ANGPT2: variants seen among roughly 807,000 people sequenced by gnomAD.
ANGPT2 encodes angiopoietin 2, also known as angiopoietin-2.
ANGPT2 carries 28 observed loss-of-function variants against 62.9 expected under a neutral mutation model. That is an observed-to-expected ratio of 0.44 (90% CI 0.33 to 0.61). ANGPT2 has a LOEUF of 0.61. ANGPT2 is among the 20% of genes least tolerant of loss of function. ANGPT2 has a pLI of 0.03. For missense variants in ANGPT2, 727 were observed against 594.9 expected (o/e 1.22, Z -2.31); for synonymous variants, 284 against 207.8 (o/e 1.37, Z -3.15).
rs1812046922 is a variant in ANGPT2, at chr8:6,500,896, T to C, written c.*2205A>G. ...ATCACCTGCCTACAAAGAGAATTGA[T>C]ATAAATTGTGTTGTTGCCAGTTTTT... On this transcript the variant is annotated 3_prime_UTR_variant, in exon 9 of 9. Transcript: ENST00000629816. The C allele has an allele frequency of 6.6e-6, 1 of 152,240 alleles. No individual in the cohort carries two copies. The highest frequency in any genetic ancestry group is 2.4e-5 in the African/African-American group (1 of 41,468). 9.4% of individuals were successfully genotyped at this position (152,240 alleles called of 1,614,324 possible). A position where few individuals can be genotyped will look rare whatever the true frequency, so the allele number is the denominator to read the frequency against.
At chr8:6,552,569 C>G (rs1313267777) in intron 1 of ANGPT2, among the ~76,000 whole-genome samples, 3 of 152,180 alleles carry the variant, frequency 2.0e-5, no homozygotes, top group Admixed American at 1.3e-4. Context: ...TAGTATAGAT[C>G]TTGATAAGTG....
intron 1 of ANGPT2, among the ~76,000 whole-genome samples, chr8:6,538,830 A>G (rs1240762298): frequency 6.6e-6 from 1 of 152,208 alleles, no homozygotes; most frequent in African/African-American, 2.4e-5. Context: ...CCTAGTAACA[A>G]CAAGCAAAAC....
chr8:6,552,780 G>C (rs755857792), intron 1 of ANGPT2, among the ~76,000 whole-genome samples: 1 of 151,460 alleles, frequency 6.6e-6, no homozygotes, highest in Non-Finnish European at 1.5e-5. Flanking sequence ...ATTAAGGCAA[G>C]AGATCACTCA....
intron 3 of ANGPT2, among the ~76,000 whole-genome samples, chr8:6,524,610 T>G (rs917814102): frequency 1.3e-5 from 2 of 152,230 alleles, no homozygotes; most frequent in South Asian, 2.1e-4. Context: ...ATGTACGAGG[T>G]GTTTTTTAGG....
intron 3 of ANGPT2, 53 bp from the exon 4 acceptor site, chr8:6,521,463 TA>T: frequency 1.6e-6 from 2 of 1,263,088 alleles, no homozygotes; most frequent in East Asian, 4.9e-5. Context: ...TGAAATATTT[TA>T]TATTTATTGA....
chr8:6,513,856 G>A lies in ANGPT2; in HGVS notation c.1030-12C>T. 1 of 1,593,100 alleles carries A rather than the reference G, an allele frequency of 6.3e-7. No homozygotes were observed. On this transcript the variant is annotated splice_polypyrimidine_tract_variant and intron_variant, in intron 6 of 8. Transcript: ENST00000629816. ...GGGTTACCAAATCCCTGTAATGCAA[G>A]TTGTTAAATTCAATTATTTCATGTA...
chr8:6,514,165 G>T (rs1024379134), intron 6 of ANGPT2, among the ~76,000 whole-genome samples: 1 of 152,106 alleles, frequency 6.6e-6, no homozygotes, highest in African/African-American at 2.4e-5. Context: ...AAAAAATGCT[G>T]AGTCCACCTT....
chr8:6,512,223 G>A (rs1815286165), intron 7 of ANGPT2, among the ~76,000 whole-genome samples: 1 of 152,108 alleles, frequency 6.6e-6, no homozygotes, highest in Admixed American at 6.5e-5. Context: ...TGTACAGCAG[G>A]ACATACTGGG....
In ANGPT2 at chr8:6,538,014, A is replaced by T. The variant is rs74553607; in HGVS notation, c.289-5527T>A. ...AGACCTTGAATTTTCTGGTAAATTA[A>T]CAAATAATTTGAGATTTCCTTGGAA... On this transcript the variant is annotated intron_variant, in intron 1 of 8. Coordinates refer to ENST00000629816, the MANE Select transcript of ANGPT2 (RefSeq NM_001118887.2). Among the ~76,000 whole-genome samples the T allele has an allele frequency of 8.2e-4, 125 of 152,308 alleles. 2 individuals carry two copies. In the East Asian group the frequency reaches 0.024, roughly 29 times the overall value.
chr8:6,543,498 C>A (rs7842402), intron 1 of ANGPT2, among the ~76,000 whole-genome samples: 2 of 151,840 alleles, frequency 1.3e-5, no homozygotes, highest in Non-Finnish European at 2.9e-5. Flanking sequence ...GTGCGTGGGT[C>A]GTGGGGAGCA....
At chr8:6,562,601 T>G (rs770662100) in intron 1 of ANGPT2, 46 bp downstream of exon 1, 7 of 760,052 alleles carry the variant, frequency 9.2e-6, no homozygotes, top group East Asian at 1.1e-4. Flanking sequence ...GCTGCCAAGC[T>G]GATCTTAATA....
At position 6,519,926 on chromosome 8, in the gene ANGPT2, A is replaced by T. The variant is rs760527678; in HGVS notation, c.865T>A (p.Ser289Thr). ...TAGATGCCATTCGTGGTGTGTCCTG[A>T]TTTGAATACTTCAGCACAGTCTCTG... ...SFRDCAEVFK[S>T]GHTTNGIYTL... The change falls in exon 5 of 9, where the codon TCA (serine) becomes ACA (threonine). Residue 289 changes from serine (S) to threonine (T), a missense_variant. Transcript: ENST00000629816. The T allele has an allele frequency of 3.1e-6, 5 of 1,613,314 alleles. No homozygotes were observed. The highest frequency in any genetic ancestry group is 4.2e-6 in the Non-Finnish European group (5 of 1,179,704).
intron 3 of ANGPT2, among the ~76,000 whole-genome samples, chr8:6,521,898 C>G (rs1354368525): frequency 2.6e-5 from 4 of 152,138 alleles, no homozygotes; most frequent in African/African-American, 9.7e-5. Flanking sequence ...AGAAATACTC[C>G]TTCATGGGGA....
At chr8:6,540,032 CTGG>C (rs1313602678) in intron 1 of ANGPT2, among the ~76,000 whole-genome samples, 1 of 152,194 alleles carries the variant, frequency 6.6e-6, no homozygotes, top group African/African-American at 2.4e-5. Context: ...TGGGCCTCAG[CTGG>C]TGGCATTCTA....
intron 7 of ANGPT2, among the ~76,000 whole-genome samples, chr8:6,511,762 G>A (rs190701102): frequency 1.3e-5 from 2 of 152,124 alleles, no homozygotes; most frequent in South Asian, 4.1e-4. Context: ...TCCAAAAATT[G>A]ATTGCATTTC....
chr8:6,546,375 G>A (rs1822577067), intron 1 of ANGPT2, among the ~76,000 whole-genome samples: 2 of 152,322 alleles, frequency 1.3e-5, no homozygotes, highest in South Asian at 4.1e-4. Flanking sequence ...TTTGGTGGTT[G>A]CTGTTTGTGA....
intron 4 of ANGPT2, 44 bp downstream of exon 4, chr8:6,521,134 C>T (rs1283943276): frequency 6.5e-7 from 1 of 1,545,868 alleles, no homozygotes. Flanking sequence ...GTTTTACTGA[C>T]TAAAGGTTAT....
At chr8:6,553,735 A>G (rs901403834) in intron 1 of ANGPT2, among the ~76,000 whole-genome samples, 7 of 150,980 alleles carry the variant, frequency 4.6e-5, no homozygotes, top group Non-Finnish European at 1.0e-4. Flanking sequence ...GAGGCCCCTC[A>G]GGCAGAGGGG....
intron 1 of ANGPT2, among the ~76,000 whole-genome samples, chr8:6,533,412 C>T (rs1458899848): frequency 6.6e-6 from 1 of 152,136 alleles, no homozygotes; most frequent in Non-Finnish European, 1.5e-5. Context: ...GCTTTATAGT[C>T]TTGGTTCTAG....
Sources: gnomAD v4.1 joint callset for allele counts (sites outside exome capture counted in the v4.1 genomes callset) on GRCh38, gnomAD v4.1.1 for gene constraint, MANE v1.5 for transcripts, NCBI Gene and HGNC (gene_info 2026-07-23, HGNC 2026-07-21) for gene names.